The following LCORL variants were observed in gnomAD, a reference collection of about 807,000 sequenced individuals.
The protein encoded by LCORL is ligand dependent nuclear receptor corepressor like.
A neutral mutation model predicts 141.8 loss-of-function variants in LCORL; 41 were observed. That is an observed-to-expected ratio of 0.29 (90% CI 0.23 to 0.38). LCORL has a LOEUF of 0.38. Ranked by LOEUF, LCORL falls within the 10% of genes least tolerant of loss-of-function variation. The pLI is 1.00. For synonymous variants in LCORL, 618 were observed against 694.1 expected, an observed-to-expected ratio of 0.89 and a Z score of 1.72; for missense variants, 1,759 against 2,035.0, an observed-to-expected ratio of 0.86 and a Z score of 2.61.
intron 7 of LCORL, among the ~76,000 whole-genome samples, chr4:17,850,459 T>C (rs1723511048): frequency 6.6e-6 from 1 of 151,994 alleles, no homozygotes. Flanking sequence ...CATCAAAAAG[T>C]GGGCAAAGGA....
chr4:17,874,718 C>G, exon 7 of LCORL: 1 of 1,233,884 alleles, frequency 8.1e-7, no homozygotes. Context: ...TAGCCCACCA[C>G]CTGAGCAAAG....
At chr4:17,976,763 T>C (rs1010854261) in intron 1 of LCORL, among the ~76,000 whole-genome samples, 1 of 152,180 alleles carries the variant, frequency 6.6e-6, no homozygotes, top group African/African-American at 2.4e-5. Context: ...GTTGACAGTT[T>C]TGGTACACTG....
At position 17,860,306 on chromosome 4, in the gene LCORL, T is replaced by A. The variant is rs903961437; in HGVS notation, c.5602+13082A>T. On this transcript the variant is annotated intron_variant, in intron 7 of 7. Coordinates refer to ENST00000635767, the Ensembl canonical transcript of LCORL. ...AAGGAAAGAGGCTTAATGGAGAACC[T>A]ACAGTTTCACATGGCTGGGGAAGCC... Among the ~76,000 whole-genome samples, 156 of 152,304 alleles carry A rather than the reference T, an allele frequency of 1.0e-3. 2 individuals are homozygous for A. The highest frequency in any genetic ancestry group is 3.6e-3 in the African/African-American group (151 of 41,572).
At chr4:17,891,654 T>C (rs1175651951) in intron 5 of LCORL, among the ~76,000 whole-genome samples, 1 of 152,142 alleles carries the variant, frequency 6.6e-6, no homozygotes, top group African/African-American at 2.4e-5. Flanking sequence ...AAATCTGATA[T>C]ACAGATGATG....
chr4:17,858,729 AAAT>A (rs567498935), intron 7 of LCORL, among the ~76,000 whole-genome samples: 66 of 149,114 alleles, frequency 4.4e-4, no homozygotes, highest in African/African-American at 8.4e-4. Context: ...ACTCCATCTC[AAAT>A]AATAATAATA....
intron 4 of LCORL, among the ~76,000 whole-genome samples, chr4:17,934,129 T>A (rs1736472217): frequency 6.6e-6 from 1 of 152,082 alleles, no homozygotes; most frequent in African/African-American, 2.4e-5. Context: ...ATATTATGCA[T>A]GATACTGTAA....
At chr4:18,018,042 T>C (rs567025409) in intron 1 of LCORL, among the ~76,000 whole-genome samples, 4 of 152,300 alleles carry the variant, frequency 2.6e-5, no homozygotes, top group South Asian at 2.1e-4. Context: ...AGGAGTTCTA[T>C]TCTTCCAACT....
At chr4:17,873,481 G>A (rs917846477) in exon 7 of LCORL, 1 of 1,233,624 alleles carries the variant, frequency 8.1e-7, no homozygotes, top group Non-Finnish European at 1.0e-6. Context: ...TTCCATGGTG[G>A]TCTTTTTCTT....
chr4:17,886,463 T>C (rs773238004), intron 5 of LCORL, among the ~76,000 whole-genome samples: 8 of 152,034 alleles, frequency 5.3e-5, no homozygotes, highest in Non-Finnish European at 1.0e-4. Context: ...TGAATAGCCA[T>C]TGATTGCTCA....
chr4:18,005,206 A>G (rs981473546), intron 1 of LCORL, among the ~76,000 whole-genome samples: 3 of 152,190 alleles, frequency 2.0e-5, no homozygotes, highest in Admixed American at 2.0e-4. Flanking sequence ...GGCATGAGCC[A>G]CCACACCTGG....
chr4:17,940,548 A>C lies in LCORL; in HGVS notation c.430+21355T>G, dbSNP rs1737785392. ...TGCCTCTTTTAATGCATTAAAATAT[A>C]AAATCTAGTAGTAAGTCCAATGTCT... On this transcript the variant is annotated intron_variant, in intron 4 of 7. Coordinates refer to ENST00000635767, the Ensembl canonical transcript of LCORL. Among the ~76,000 whole-genome samples the C allele has an allele frequency of 4.0e-5, 6 of 149,712 alleles. No individual in the cohort carries two copies. In the South Asian group the frequency reaches 1.3e-3, roughly 31 times the overall value.
intron 1 of LCORL, among the ~76,000 whole-genome samples, chr4:18,001,977 ATGTT>A (rs1420759722): frequency 6.6e-6 from 1 of 150,538 alleles, no homozygotes; most frequent in Non-Finnish European, 1.5e-5. Flanking sequence ...CCACACACAT[ATGTT>A]TGTTTCTCTA....
At chr4:17,964,194 G>A (rs1371280757) in intron 2 of LCORL, among the ~76,000 whole-genome samples, 1 of 152,074 alleles carries the variant, frequency 6.6e-6, no homozygotes, top group Non-Finnish European at 1.5e-5. Flanking sequence ...GGACAGAGCA[G>A]GGAATGGAAA....
chr4:18,018,448 C>T lies in LCORL; in HGVS notation c.154+3150G>A, dbSNP rs73802715. The stretch of plus-strand genomic sequence containing the variant: ...ATTGGGACAAAAGGTTGTAGGACAA[C>T]TCTTCAATGAAAAGAAAACTATGTG... On this transcript the variant is annotated intron_variant, in intron 1 of 7. Coordinates refer to ENST00000635767, the Ensembl canonical transcript of LCORL. Among the ~76,000 whole-genome samples, 568 of 152,188 alleles carry T rather than the reference C, an allele frequency of 3.7e-3. 6 individuals are homozygous for T. Among genetic ancestry groups the T allele is most frequent in the African/African-American group, 0.013 (524 of 41,522 alleles).
At chr4:17,845,687 T>C (rs780490648) in exon 8 of LCORL, 7 of 1,521,900 alleles carry the variant, frequency 4.6e-6, no homozygotes, top group Middle Eastern at 3.6e-4. Context: ...AATACTGACA[T>C]ACAAAATAAA....
At chr4:17,874,095 C>G (rs1447125676) in exon 7 of LCORL, 2 of 1,225,856 alleles carry the variant, frequency 1.6e-6, no homozygotes, top group African/African-American at 1.6e-5. Context: ...TTGGTTCTGG[C>G]AGAAAAATCT....
intron 1 of LCORL, among the ~76,000 whole-genome samples, chr4:17,999,403 G>A (rs1360352680): frequency 1.3e-5 from 2 of 150,640 alleles, no homozygotes; most frequent in African/African-American, 4.9e-5. Flanking sequence ...GCAGTGAGCC[G>A]AGACTGCGCC....
intron 4 of LCORL, among the ~76,000 whole-genome samples, chr4:17,918,314 G>T (rs1355749011): frequency 1.3e-5 from 2 of 152,046 alleles, no homozygotes; most frequent in Non-Finnish European, 2.9e-5. Flanking sequence ...TATGGGACAT[G>T]CAAAGACATA....
chr4:17,852,351 C>A (rs768076373), intron 7 of LCORL, among the ~76,000 whole-genome samples: 3 of 151,904 alleles, frequency 2.0e-5, no homozygotes. Context: ...ATAATAATGA[C>A]CCTGGACAAG....
Sources: allele counts gnomAD v4.1 joint callset (sites outside exome capture counted in the v4.1 genomes callset), GRCh38; gene constraint gnomAD v4.1.1; transcripts MANE v1.5; gene names NCBI Gene and HGNC (gene_info 2026-07-23, HGNC 2026-07-21).